ZNF407: variants seen among roughly 807,000 people sequenced by gnomAD.
ZNF407 encodes zinc finger protein 407.
A neutral mutation model predicts 131.2 loss-of-function variants in ZNF407; 17 were observed. The observed-to-expected ratio is 0.13, with a 90% CI of 0.09 to 0.19. The LOEUF (loss-of-function observed/expected upper bound fraction) is 0.19. ZNF407 is among the 10% of genes least tolerant of loss of function. The pLI is 1.00. For synonymous variants in ZNF407, 1,156 were observed against 1,062.0 expected (o/e 1.09, Z -1.72); for missense variants, 2,681 against 2,830.6 (o/e 0.95, Z 1.20).
chr18:74,982,696 G>A (rs1972606990), intron 8 of ZNF407, among the ~76,000 whole-genome samples: 1 of 152,158 alleles, frequency 6.6e-6, no homozygotes, highest in Admixed American at 6.5e-5. Context: ...CCCACAGCAG[G>A]TAGATAGATA....
chr18:74,793,165 G>A (rs1466826257), intron 4 of ZNF407, among the ~76,000 whole-genome samples: 1 of 152,132 alleles, frequency 6.6e-6, no homozygotes, highest in Non-Finnish European at 1.5e-5. Context: ...TATGTTTCTA[G>A]AATATCTGAA....
chr18:74,786,103 A>G (rs1969706610), intron 4 of ZNF407, among the ~76,000 whole-genome samples: 2 of 152,260 alleles, frequency 1.3e-5, no homozygotes, highest in South Asian at 2.1e-4. Context: ...TTCATCATAT[A>G]TGACTGACCT....
intron 8 of ZNF407, among the ~76,000 whole-genome samples, chr18:74,932,292 C>A (rs1045674384): frequency 2.6e-5 from 4 of 152,070 alleles, no homozygotes; most frequent in Non-Finnish European, 4.4e-5. Context: ...ATTGAAAACA[C>A]TGTCCTTCCT....
intron 4 of ZNF407, among the ~76,000 whole-genome samples, chr18:74,787,622 C>T (rs182208680): frequency 2.2e-4 from 33 of 152,220 alleles, no homozygotes; most frequent in African/African-American, 7.2e-4. Context: ...TCATCAAATG[C>T]GACATCAAAT....
intron 6 of ZNF407, among the ~76,000 whole-genome samples, chr18:74,886,019 C>A (rs1197741644): frequency 6.6e-6 from 1 of 152,104 alleles, no homozygotes; most frequent in Non-Finnish European, 1.5e-5. Flanking sequence ...TTAAAAGGTG[C>A]TGTGAACAGA....
At chr18:75,016,888 G>A (rs1197437656) in intron 8 of ZNF407, among the ~76,000 whole-genome samples, 2 of 152,114 alleles carry the variant, frequency 1.3e-5, no homozygotes, top group African/African-American at 4.8e-5. Flanking sequence ...TGTAGCCACT[G>A]TTATCACAAT....
intron 8 of ZNF407, among the ~76,000 whole-genome samples, chr18:74,942,266 G>A (rs530690243): frequency 1.1e-4 from 17 of 152,324 alleles, no homozygotes; most frequent in African/African-American, 3.8e-4. Context: ...ACAGGTGCTC[G>A]TTATCAGAGA....
At chr18:74,849,313 C>T (rs866971964) in intron 4 of ZNF407, among the ~76,000 whole-genome samples, 1 of 151,980 alleles carries the variant, frequency 6.6e-6, no homozygotes, top group African/African-American at 2.4e-5. Context: ...CTCCTGACCT[C>T]GTGATCCGCC....
chr18:74,736,139 G>A (rs997068117), intron 3 of ZNF407, among the ~76,000 whole-genome samples: 21 of 152,158 alleles, frequency 1.4e-4, no homozygotes, highest in Non-Finnish European at 5.9e-5. Flanking sequence ...CTAGATGAAA[G>A]TGTGTTTCAC....
At chr18:74,644,117 A>G (rs574542948) in intron 3 of ZNF407, among the ~76,000 whole-genome samples, 2 of 151,320 alleles carry the variant, frequency 1.3e-5, no homozygotes, top group East Asian at 3.9e-4. Context: ...TGTTTTAAGT[A>G]CATGTTATGG....
At chr18:74,958,422 G>A (rs1972300928) in intron 8 of ZNF407, among the ~76,000 whole-genome samples, 1 of 152,138 alleles carries the variant, frequency 6.6e-6, no homozygotes, top group African/African-American at 2.4e-5. Context: ...TGGGCCTGTC[G>A]AGGAGGGAGC....
intron 8 of ZNF407, among the ~76,000 whole-genome samples, chr18:74,988,656 AT>A (rs1433824403): frequency 6.6e-5 from 10 of 151,600 alleles, no homozygotes; most frequent in South Asian, 4.1e-4. Context: ...AATAAAAAAA[AT>A]AAATAAACAA....
intron 3 of ZNF407, among the ~76,000 whole-genome samples, chr18:74,684,580 T>G (rs1967055707): frequency 6.6e-6 from 1 of 152,212 alleles, no homozygotes; most frequent in Non-Finnish European, 1.5e-5. Context: ...TTTGAGATTT[T>G]ACAGATTGTA....
At chr18:74,968,522 A>T (rs909296468) in intron 8 of ZNF407, among the ~76,000 whole-genome samples, 2 of 152,096 alleles carry the variant, frequency 1.3e-5, no homozygotes, top group Admixed American at 6.6e-5. Context: ...TTATGTGAGG[A>T]TATTTTTATT....
chr18:74,915,180 G>A (rs1333231620), intron 7 of ZNF407, among the ~76,000 whole-genome samples: 3 of 152,170 alleles, frequency 2.0e-5, no homozygotes, highest in Non-Finnish European at 2.9e-5. Flanking sequence ...ATAAAATAAG[G>A]TCTAGGGATA....
chr18:75,007,297 TC>T (rs1972922287), intron 8 of ZNF407, among the ~76,000 whole-genome samples: 1 of 152,232 alleles, frequency 6.6e-6, no homozygotes, highest in Non-Finnish European at 1.5e-5. Context: ...CCTCATTCCA[TC>T]TTTTTTCTTC....
rs368695596 is a variant in ZNF407 at position 74,643,844 on chromosome 18, G to A, written c.4802+2722G>A. ...TGCCTTTTAAAGTTTTGTATAAGTT[G>A]TATGAACCTAGACTGATTTTCTTTG... On this transcript the variant is annotated intron_variant, in intron 3 of 8. Transcript: ENST00000299687. 8.6e-5 allele frequency among the ~76,000 whole-genome samples: 13 copies of A among 152,038 alleles called. No individual in the cohort carries two copies. In the East Asian group the frequency reaches 1.5e-3, roughly 18 times the overall value.
At chr18:74,987,245 A>G (rs778220543) in intron 8 of ZNF407, among the ~76,000 whole-genome samples, 1 of 152,064 alleles carries the variant, frequency 6.6e-6, no homozygotes, top group Non-Finnish European at 1.5e-5. Flanking sequence ...TTTAATCCAT[A>G]CATAGATAAG....
At chr18:74,662,430 G>A (rs559488876) in intron 3 of ZNF407, among the ~76,000 whole-genome samples, 14 of 152,124 alleles carry the variant, frequency 9.2e-5, no homozygotes, top group Admixed American at 2.0e-4. Context: ...TGCAAGAGCC[G>A]ATTGCCATGT....
Sources: gnomAD v4.1 joint callset for allele counts (sites outside exome capture counted in the v4.1 genomes callset) on GRCh38, gnomAD v4.1.1 for gene constraint, MANE v1.5 for transcripts, NCBI Gene and HGNC (gene_info 2026-07-23, HGNC 2026-07-21) for gene names.